The following KANK1 variants were observed in gnomAD, a reference collection of about 807,000 sequenced individuals.
The protein encoded by KANK1 is KN motif and ankyrin repeat domains 1.
KANK1 carries 109 observed loss-of-function variants against 106.2 expected under a neutral mutation model. The observed-to-expected ratio is 1.03, with a 90% confidence interval of 0.88 to 1.20. The LOEUF (loss-of-function observed/expected upper bound fraction) is 1.20, where lower values mean the gene tolerates loss of function less well. Ranked by LOEUF, KANK1 falls within the 50% of genes most tolerant of loss-of-function variation. The pLI, the probability that KANK1 is intolerant of heterozygous loss-of-function variation, is 0.00. For missense variants in KANK1, 2,399 were observed against 1,710.7 expected (o/e 1.40, Z -7.10); for synonymous variants, 873 against 652.2 (o/e 1.34, Z -5.16).
rs1326986665 is a variant in KANK1 at position 608,028 on chromosome 9, A to ATTTTTTT, written c.-83-68860_-83-68859insTTTTTTT. ...AACTTTCAGAATTATTATTATTATTATTATTATTTTTTTTTTTTTTGAGAC... is the reference window on the plus strand; with the variant it reads ...AACTTTCAGAATTATTATTATTATTATTTTTTTTTATTATTTTTTTTTTTTTTGAGAC... On this transcript the variant is annotated intron_variant, in intron 1 of 11. Transcript: ENST00000382297. 2.8e-3 allele frequency among the ~76,000 whole-genome samples: 232 copies of ATTTTTTT among 84,208 alleles called. 5 individuals carry two copies. Among genetic ancestry groups the ATTTTTTT allele is most frequent in the African/African-American group, 0.01 (215 of 21,332 alleles). The allele number at this position is 84,208 out of a possible 152,430, so 55.2% of individuals were successfully genotyped here.
intron 3 of KANK1, among the ~76,000 whole-genome samples, chr9:497,964 C>A (rs185879565): frequency 1.3e-5 from 2 of 152,290 alleles, no homozygotes; most frequent in Admixed American, 1.3e-4. Flanking sequence ...TCGGGGATCT[C>A]TCGCTGGGGT....
intron 2 of KANK1, among the ~76,000 whole-genome samples, chr9:684,937 C>A (rs1307884490): frequency 6.6e-6 from 1 of 152,112 alleles, no homozygotes; most frequent in Admixed American, 6.5e-5. Flanking sequence ...GGGTAGACTT[C>A]TCTAATAAAA....
intron 2 of KANK1, among the ~76,000 whole-genome samples, chr9:679,478 G>A (rs1237116521): frequency 3.3e-5 from 5 of 152,184 alleles, no homozygotes; most frequent in East Asian, 1.9e-4. Flanking sequence ...GCAGTGGCAC[G>A]ATATCGGCTC....
chr9:712,859 C>A lies in KANK1; in HGVS notation c.2093C>A (p.Thr698Asn). 2 of 1,613,896 alleles carry A rather than the reference C, an allele frequency of 1.2e-6. No individual in the cohort carries two copies. Among genetic ancestry groups the A allele is most frequent in the Non-Finnish European group, 1.7e-6 (2 of 1,179,990 alleles). ...TATLIESCTN[T>N]CLSTLDKQTS... ...ACCCTCATAGAGTCCTGCACCAACACTTGTCTAAGCACTTTGGACAAGCAG... is the reference window on the plus strand; with the variant it reads ...ACCCTCATAGAGTCCTGCACCAACAATTGTCTAAGCACTTTGGACAAGCAG... Residue 698 changes from threonine (T) to asparagine (N), a missense_variant, in exon 3 of 12, where the codon ACT becomes AAT. Coordinates refer to ENST00000382297, the MANE Select transcript of KANK1 (RefSeq NM_015158.5).
chr9:711,709 A>T lies in KANK1; in HGVS notation c.943A>T (p.Asn315Tyr). The stretch of plus-strand genomic sequence containing the variant: ...AAACCAAAGGGCTGCATCCCAGATC[A>T]ATGTCTGTGGTGTGAGGAAGCGGTC... The part of the protein sequence containing the change: ...LKNQRAASQI[N>Y]VCGVRKRSYS... The change falls in exon 3 of 12, where the codon AAT becomes TAT. Residue 315 changes from asparagine (N) to tyrosine (Y), a missense_variant. Physicochemically the swap from Asn to Tyr is moderately radical, Grantham distance 143. Coordinates refer to ENST00000382297, the MANE Select transcript of KANK1 (RefSeq NM_015158.5). 1 of 1,614,222 alleles carries T rather than the reference A, an allele frequency of 6.2e-7. No individual in the cohort carries two copies. The highest frequency in any genetic ancestry group is 1.1e-5 in the South Asian group (1 of 91,082).
intron 2 of KANK1, among the ~76,000 whole-genome samples, chr9:684,843 T>G (rs1031360642): frequency 1.6e-4 from 25 of 152,132 alleles, no homozygotes; most frequent in Admixed American, 1.4e-3. Context: ...TGATCTGGCA[T>G]GAAAAATATT....
At chr9:608,008 T>G (rs1049762260) in intron 1 of KANK1, among the ~76,000 whole-genome samples, 1 of 138,596 alleles carries the variant, frequency 7.2e-6, no homozygotes, top group Admixed American at 7.5e-5. Context: ...TAAAAAACTT[T>G]CAGAATTATT....
intron 3 of KANK1, chr9:487,708 A>G (rs2058316714): frequency 6.6e-6 from 1 of 152,232 alleles, no homozygotes; most frequent in Non-Finnish European, 1.5e-5. Flanking sequence ...GTAGATAACT[A>G]GAAAAACAGC....
At chr9:743,470 C>G (rs1156528349) in intron 10 of KANK1, among the ~76,000 whole-genome samples, 1 of 152,090 alleles carries the variant, frequency 6.6e-6, no homozygotes, top group Non-Finnish European at 1.5e-5. Context: ...TTTGATTTTA[C>G]TTCTATTATC....
At chr9:685,992 C>A (rs931743819) in intron 2 of KANK1, among the ~76,000 whole-genome samples, 2 of 150,324 alleles carry the variant, frequency 1.3e-5, no homozygotes, top group African/African-American at 4.8e-5. Flanking sequence ...TTCTGTACAG[C>A]AGGTACATTT....
At chr9:480,128 A>C (rs975092588) in intron 3 of KANK1, among the ~76,000 whole-genome samples, 1 of 152,246 alleles carries the variant, frequency 6.6e-6, no homozygotes, top group African/African-American at 2.4e-5. Context: ...ATTCCTGTGC[A>C]TTCAGGCACA....
chr9:727,807 C>T (rs1831141498), intron 3 of KANK1, among the ~76,000 whole-genome samples: 1 of 151,826 alleles, frequency 6.6e-6, no homozygotes, highest in African/African-American at 2.4e-5. Flanking sequence ...ATATTACAAA[C>T]ATTTTTCCAC....
chr9:474,806 C>G (rs899672561), intron 3 of KANK1, among the ~76,000 whole-genome samples: 1 of 152,200 alleles, frequency 6.6e-6, no homozygotes, highest in Non-Finnish European at 1.5e-5. Flanking sequence ...TGGAGCACCA[C>G]AAGCTGTCTA....
chr9:684,332 T>C, intron 2 of KANK1: 1 of 985,388 alleles, frequency 1.0e-6, no homozygotes, highest in Non-Finnish European at 1.2e-6. Context: ...TGCTCCTGGG[T>C]ACTGGGCAAA....
At chr9:561,418 A>G (rs1015103716) in intron 1 of KANK1, among the ~76,000 whole-genome samples, 2 of 152,172 alleles carry the variant, frequency 1.3e-5, no homozygotes, top group African/African-American at 2.4e-5. Context: ...ATTTATTAAA[A>G]CCATCCCTGA....
At chr9:744,348 A>T (rs766957736) in intron 10 of KANK1, 143 bp from the exon 11 acceptor site, 1 of 905,118 alleles carries the variant, frequency 1.1e-6, no homozygotes. Context: ...TAGAGGTCCC[A>T]AAAAAGTTTC....
chr9:666,271 A>G (rs1209652699), intron 1 of KANK1, among the ~76,000 whole-genome samples: 1 of 151,896 alleles, frequency 6.6e-6, no homozygotes. Context: ...ATTGTTCACT[A>G]TTGGTATATA....
At chr9:718,037 C>T (rs1828193192) in intron 3 of KANK1, among the ~76,000 whole-genome samples, 1 of 152,144 alleles carries the variant, frequency 6.6e-6, no homozygotes, top group Non-Finnish European at 1.5e-5. Flanking sequence ...AAGTTGTAGA[C>T]AAGAGATCTG....
At chr9:727,085 G>A (rs1014416019) in intron 3 of KANK1, among the ~76,000 whole-genome samples, 3 of 152,102 alleles carry the variant, frequency 2.0e-5, no homozygotes, top group Non-Finnish European at 4.4e-5. Context: ...GATTTGTAAT[G>A]GCCATATAGA....
Sources: allele counts gnomAD v4.1 joint callset (sites outside exome capture counted in the v4.1 genomes callset), GRCh38; gene constraint gnomAD v4.1.1; transcripts MANE v1.5; gene names NCBI Gene and HGNC (gene_info 2026-07-23, HGNC 2026-07-21).